SLC10A6: variants seen among roughly 807,000 people sequenced by gnomAD.
SLC10A6 encodes solute carrier family 10 member 6.
Under a neutral mutation model 30.0 loss-of-function variants are expected in SLC10A6, and 27 were observed. That is an observed-to-expected ratio of 0.90 (90% CI 0.66 to 1.24). The LOEUF (loss-of-function observed/expected upper bound fraction) is 1.24. SLC10A6 is among the 50% of genes most tolerant of loss of function. The pLI, the probability that SLC10A6 is intolerant of heterozygous loss-of-function variation, is 0.00. For synonymous variants in SLC10A6, 166 were observed against 173.8 expected (o/e 0.95, Z 0.36); for missense variants, 439 against 457.0 (o/e 0.96, Z 0.36).
At chr4:86,831,726 G>T in intron 3 of SLC10A6, 66 bp downstream of exon 3, 3 of 1,324,340 alleles carry the variant, frequency 2.3e-6, no homozygotes, top group African/African-American at 1.5e-5. Flanking sequence ...CCCAGCCACT[G>T]CTCACTTCTG....
At position 86,848,916 on chromosome 4, in the gene SLC10A6, C is replaced by G. The variant is rs750661594; in HGVS notation, c.200G>C (p.Gly67Ala). 1 of 1,614,146 alleles carries G rather than the reference C, an allele frequency of 6.2e-7. No homozygotes were observed. The highest frequency in any genetic ancestry group is 8.5e-7 in the Non-Finnish European group (1 of 1,180,012). ...KLWSHIRRPWGIAVGLLCQFG... is the reference protein window; with the variant it reads ...KLWSHIRRPWAIAVGLLCQFG... ...CTGGCAGAGCAGTCCCACAGCAATG[C>G]CCCAGGGTCTCCTGATGTGCGACCA... The change falls in exon 1 of 6, where the codon GGC (glycine) becomes GCC (alanine). Residue 67 changes from glycine to alanine, a missense_variant. Transcript: ENST00000273905.
At chr4:86,839,332 T>A in intron 1 of SLC10A6, among the ~76,000 whole-genome samples, 1 of 151,046 alleles carries the variant, frequency 6.6e-6, no homozygotes, top group Non-Finnish European at 1.5e-5. Context: ...ACACCTGTAG[T>A]CCCAGCTACT....
At chr4:86,831,119 T>G (rs1746073972) in intron 3 of SLC10A6, among the ~76,000 whole-genome samples, 1 of 152,194 alleles carries the variant, frequency 6.6e-6, no homozygotes, top group Non-Finnish European at 1.5e-5. Flanking sequence ...ATTACAGATG[T>G]GAGCCACTGC....
chr4:86,824,024 C>A, intron 5 of SLC10A6, 122 bp from the exon 6 acceptor site: 1 of 821,160 alleles, frequency 1.2e-6, no homozygotes, highest in African/African-American at 1.7e-5. Flanking sequence ...TATAAACACC[C>A]AGGGAAAAGA....
chr4:86,825,868 T>C (rs1024251502), intron 4 of SLC10A6, among the ~76,000 whole-genome samples: 3 of 152,096 alleles, frequency 2.0e-5, no homozygotes, highest in Non-Finnish European at 2.9e-5. Context: ...CACGCAGATG[T>C]AGAAATTTAG....
At chr4:86,840,199 G>T (rs1042298890) in intron 1 of SLC10A6, among the ~76,000 whole-genome samples, 2 of 151,842 alleles carry the variant, frequency 1.3e-5, no homozygotes, top group Admixed American at 1.3e-4. Flanking sequence ...GATTACAGGC[G>T]TGAGCCACTG....
At chr4:86,829,912 A>T (rs1251457718) in intron 3 of SLC10A6, among the ~76,000 whole-genome samples, 1 of 152,252 alleles carries the variant, frequency 6.6e-6, no homozygotes, top group East Asian at 1.9e-4. Context: ...TGATGGACTG[A>T]TAGAGGAGCT....
chr4:86,835,403 A>G (rs1746162911), intron 1 of SLC10A6, among the ~76,000 whole-genome samples: 1 of 152,210 alleles, frequency 6.6e-6, no homozygotes, highest in Non-Finnish European at 1.5e-5. Flanking sequence ...ATGGTGGCTC[A>G]TGCCTGTAAT....
intron 1 of SLC10A6, among the ~76,000 whole-genome samples, chr4:86,842,795 TTTCTTTCTTTCTTTCTTTCTTTC>T (rs1746314721): frequency 4.6e-4 from 2 of 4,338 alleles, no homozygotes; most frequent in South Asian, 6.0e-3. Flanking sequence ...CTTTTCTTTC[TTTCTTTCTTTCTTTCTTTCTTTC>T]TTTCTTTCTT....
At chr4:86,837,503 G>C in intron 1 of SLC10A6, 2 of 635,166 alleles carry the variant, frequency 3.1e-6, no homozygotes, top group Middle Eastern at 7.8e-4. Flanking sequence ...AGAAAAGAAA[G>C]CTCCCAAATG....
intron 1 of SLC10A6, among the ~76,000 whole-genome samples, chr4:86,839,777 T>A (rs1020647913): frequency 4.6e-5 from 7 of 152,234 alleles, no homozygotes; most frequent in African/African-American, 1.7e-4. Flanking sequence ...TGTTTTAATA[T>A]ATACTTTCAG....
intron 3 of SLC10A6, among the ~76,000 whole-genome samples, chr4:86,831,170 G>C (rs1746074819): frequency 6.6e-6 from 1 of 152,186 alleles, no homozygotes; most frequent in Admixed American, 6.5e-5. Context: ...ATTTAACAAA[G>C]ACATTTGCTT....
Position 86,831,898 on chromosome 4 carries a change from C to A in SLC10A6, c.497-18G>T, listed in dbSNP as rs1188987053. On this transcript the variant is annotated intron_variant, in intron 2 of 5. Transcript: ENST00000273905. ...GGTAATTCCTAAAGAGAAGAAAAAT[C>A]CATGAGAGGGTTTTCCCTCTCACCC... is the stretch of plus-strand genomic sequence containing the variant. The A allele has an allele frequency of 2.5e-6, 4 of 1,602,628 alleles. No homozygotes were observed. In the South Asian group the frequency reaches 4.5e-5, roughly 18 times the overall value.
chr4:86,849,067 C>G lies in SLC10A6; in HGVS notation c.49G>C (p.Glu17Gln), dbSNP rs1416546438. 5.0e-6 allele frequency: 8 copies of G among 1,614,054 alleles called. No homozygotes were observed. The highest frequency in any genetic ancestry group is 5.9e-6 in the Non-Finnish European group (7 of 1,180,032). The change falls in exon 1 of 6, where the codon GAG becomes CAG. Residue 17 changes from glutamate to glutamine, a missense_variant. By Grantham distance (29) the Glu-to-Gln change is conservative. Transcript: ENST00000273905. ...SSSACPANSS[E>Q]EELPVGLEVH... ...TCCAGTCCCACTGGCAGCTCCTCCT[C>G]TGAACTGTTGGCAGGGCAGGCTGAG... is the stretch of plus-strand genomic sequence containing the variant.
At chr4:86,829,845 C>T (rs968141818) in intron 3 of SLC10A6, among the ~76,000 whole-genome samples, 7 of 151,754 alleles carry the variant, frequency 4.6e-5, no homozygotes, top group East Asian at 1.9e-4. Context: ...TAAATTTGCT[C>T]GTTACAGAAA....
At chr4:86,843,839 C>A (rs1746347976) in intron 1 of SLC10A6, among the ~76,000 whole-genome samples, 1 of 152,040 alleles carries the variant, frequency 6.6e-6, no homozygotes, top group African/African-American at 2.4e-5. Context: ...TTAACTCATT[C>A]AATCCTCTCA....
At chr4:86,839,993 C>G (rs1284236937) in intron 1 of SLC10A6, among the ~76,000 whole-genome samples, 1 of 151,588 alleles carries the variant, frequency 6.6e-6, no homozygotes, top group Non-Finnish European at 1.5e-5. Context: ...ACTGCAAGCT[C>G]CGCCTCCCAG....
intron 1 of SLC10A6, among the ~76,000 whole-genome samples, chr4:86,834,591 G>A (rs993111041): frequency 6.6e-6 from 1 of 152,136 alleles, no homozygotes; most frequent in Non-Finnish European, 1.5e-5. Flanking sequence ...GATTCAGTGT[G>A]ATAGTATTTT....
intron 1 of SLC10A6, among the ~76,000 whole-genome samples, chr4:86,839,016 A>G (rs191130876): frequency 3.7e-4 from 57 of 152,052 alleles, no homozygotes; most frequent in Non-Finnish European, 4.4e-5. Flanking sequence ...CAGAAATCCA[A>G]ACTTAGATAA....
Sources: gnomAD v4.1 joint callset for allele counts (sites outside exome capture counted in the v4.1 genomes callset) on GRCh38, gnomAD v4.1.1 for gene constraint, MANE v1.5 for transcripts, NCBI Gene and HGNC (gene_info 2026-07-23, HGNC 2026-07-21) for gene names.